Variants in DOCK9 observed in about 807,000 individuals in gnomAD.
DOCK9 encodes dedicator of cytokinesis 9.
A neutral mutation model predicts 263.3 loss-of-function variants in DOCK9; 89 were observed. The observed-to-expected ratio is 0.34, with a 90% CI of 0.28 to 0.40. The LOEUF (loss-of-function observed/expected upper bound fraction) is 0.40, where lower values mean the gene tolerates loss of function less well. DOCK9 is among the 10% of genes least tolerant of loss of function. DOCK9 has a pLI of 1.00. For missense variants in DOCK9, 2,140 were observed against 2,603.4 expected (o/e 0.82, Z 3.87); for synonymous variants, 976 against 973.1 (o/e 1.00, Z -0.06).
intron 1 of DOCK9, among the ~76,000 whole-genome samples, chr13:98,965,848 C>A (rs553336412): frequency 9.8e-5 from 15 of 152,290 alleles, no homozygotes; most frequent in Admixed American, 4.6e-4. Flanking sequence ...ATCCTAAGAA[C>A]AGACTAACAC....
chr13:98,959,059 T>C (rs1254765423), intron 1 of DOCK9, among the ~76,000 whole-genome samples: 1 of 152,180 alleles, frequency 6.6e-6, no homozygotes, highest in Non-Finnish European at 1.5e-5. Context: ...CAATTACCAC[T>C]CAACAACTGA....
intron 2 of DOCK9, among the ~76,000 whole-genome samples, chr13:98,937,014 T>C (rs549217809): frequency 5.3e-5 from 8 of 152,242 alleles, no homozygotes; most frequent in Non-Finnish European, 1.0e-4. Context: ...GTGGCATTCT[T>C]TTCTACTTTT....
At chr13:98,826,136 C>G (rs2092527009) in intron 44 of DOCK9, among the ~76,000 whole-genome samples, 1 of 152,218 alleles carries the variant, frequency 6.6e-6, no homozygotes, top group Non-Finnish European at 1.5e-5. Flanking sequence ...CTTCGTACAT[C>G]TATTCCTCAT....
chr13:98,936,438 A>G (rs1345989415), intron 2 of DOCK9, among the ~76,000 whole-genome samples: 4 of 152,038 alleles, frequency 2.6e-5, no homozygotes, highest in Admixed American at 6.6e-5. Flanking sequence ...TGGGCAACAT[A>G]GCGTGACCTT....
intron 1 of DOCK9, among the ~76,000 whole-genome samples, chr13:99,038,295 T>TCCC (rs1387008734): frequency 2.8e-5 from 2 of 70,242 alleles, no homozygotes; most frequent in Non-Finnish European, 5.9e-5. Context: ...CCCCTTTTTT[T>TCCC]TTTTTTTTTT....
chr13:98,999,152 T>C (rs1881707176), intron 1 of DOCK9, among the ~76,000 whole-genome samples: 1 of 152,182 alleles, frequency 6.6e-6, no homozygotes, highest in African/African-American at 2.4e-5. Context: ...AAAAGCCCAG[T>C]GTGGCGATTC....
chr13:98,923,203 G>T, intron 5 of DOCK9, 99 bp downstream of exon 5: 3 of 1,136,086 alleles, frequency 2.6e-6, no homozygotes, highest in Non-Finnish European at 4.0e-6. Context: ...TGCCTGTTTT[G>T]GCTAAATGTC....
chr13:98,822,618 T>C (rs2092338573), intron 45 of DOCK9, among the ~76,000 whole-genome samples: 1 of 152,168 alleles, frequency 6.6e-6, no homozygotes, highest in South Asian at 2.1e-4. Context: ...GCCAAGAGTA[T>C]GTGGGCCTTG....
rs2056123958 is a variant in DOCK9 at position 98,942,580 on chromosome 13, CATA to C, written c.244-12326_244-12324del. Among the ~76,000 whole-genome samples the C allele has an allele frequency of 2.0e-5, 3 of 152,158 alleles. No homozygotes were observed. In the South Asian group the frequency reaches 6.2e-4, roughly 32 times the overall value. The stretch of plus-strand genomic sequence containing the variant: ...ATTCTATTTTAGTTGCTAAAAGGAC[CATA>C]ATTCTGTGTGAACATCTAGCACAGT... On this transcript the variant is annotated intron_variant, in intron 2 of 52. Coordinates refer to ENST00000682017, the MANE Select transcript of DOCK9 (RefSeq NM_001366683.2).
chr13:99,082,532 A>ATAAT (rs2042165278), intron 1 of DOCK9, among the ~76,000 whole-genome samples: 1 of 96,154 alleles, frequency 1.0e-5, no homozygotes, highest in African/African-American at 3.6e-5. Context: ...AAAAATAATA[A>ATAAT]TAATAAATAA....
intron 1 of DOCK9, among the ~76,000 whole-genome samples, chr13:99,043,984 A>G (rs1049035770): frequency 2.6e-5 from 4 of 152,210 alleles, no homozygotes; most frequent in African/African-American, 9.7e-5. Flanking sequence ...TGAATGAATG[A>G]ATAAATGTGA....
At chr13:99,040,766 A>G (rs1888378931) in intron 1 of DOCK9, among the ~76,000 whole-genome samples, 1 of 152,166 alleles carries the variant, frequency 6.6e-6, no homozygotes, top group African/African-American at 2.4e-5. Flanking sequence ...ACAAATCATA[A>G]TAGGATGTAT....
chr13:98,814,063 C>T (rs1294591823), intron 45 of DOCK9, among the ~76,000 whole-genome samples: 3 of 152,236 alleles, frequency 2.0e-5, no homozygotes, highest in Non-Finnish European at 4.4e-5. Flanking sequence ...TGTTTCACTA[C>T]AGGACTAATG....
At chr13:98,863,775 A>G (rs2093942430) in intron 30 of DOCK9, among the ~76,000 whole-genome samples, 1 of 152,208 alleles carries the variant, frequency 6.6e-6, no homozygotes, top group South Asian at 2.1e-4. Flanking sequence ...TTTAAATACA[A>G]TTAAGTGCAC....
intron 1 of DOCK9, among the ~76,000 whole-genome samples, chr13:99,026,455 A>G (rs940792502): frequency 1.3e-5 from 2 of 152,258 alleles, no homozygotes; most frequent in African/African-American, 2.4e-5. Flanking sequence ...CTGCATATGC[A>G]GAAGAGAGGA....
chr13:98,970,017 CAG>C (rs1391036592), intron 1 of DOCK9, among the ~76,000 whole-genome samples: 1 of 152,214 alleles, frequency 6.6e-6, no homozygotes, highest in African/African-American at 2.4e-5. Flanking sequence ...GCTTTTGAGA[CAG>C]AGTTTCACTC....
intron 7 of DOCK9, among the ~76,000 whole-genome samples, chr13:98,919,954 C>T (rs1332918553): frequency 1.3e-5 from 2 of 152,194 alleles, no homozygotes; most frequent in African/African-American, 4.8e-5. Flanking sequence ...ATCCCATGTC[C>T]TGTGTATGCT....
intron 37 of DOCK9, chr13:98,847,176 G>A (rs1245113896): frequency 6.4e-6 from 1 of 155,744 alleles, no homozygotes; most frequent in East Asian, 1.9e-4. Context: ...TAAGCTGTGA[G>A]GCATTTTATT....
chr13:99,062,294 T>C (rs2041226886), intron 1 of DOCK9, among the ~76,000 whole-genome samples: 1 of 152,174 alleles, frequency 6.6e-6, no homozygotes, highest in African/African-American at 2.4e-5. Flanking sequence ...TAAAAATAAA[T>C]AAAACTTGTA....
Sources: allele counts gnomAD v4.1 joint callset (sites outside exome capture counted in the v4.1 genomes callset), GRCh38; gene constraint gnomAD v4.1.1; transcripts MANE v1.5; gene names NCBI Gene and HGNC (gene_info 2026-07-23, HGNC 2026-07-21).